Variants in CTDSPL2 observed in about 807,000 individuals in gnomAD.
The protein encoded by CTDSPL2 is CTD small phosphatase like 2, also known as CTD small phosphatase-like protein 2.
CTDSPL2 carries 5 observed loss-of-function variants against 60.0 expected under a neutral mutation model. The observed-to-expected ratio is 0.08, with a 90% CI of 0.04 to 0.18. The LOEUF is 0.18. Ranked by LOEUF, CTDSPL2 falls within the 10% of genes least tolerant of loss-of-function variation. The pLI is 1.00. For missense variants in CTDSPL2, 370 were observed against 548.8 expected, an observed-to-expected ratio of 0.67 and a Z score of 3.26; for synonymous variants, 186 against 189.3, an observed-to-expected ratio of 0.98 and a Z score of 0.14.
chr15:44,504,704 C>A, intron 8 of CTDSPL2, among the ~76,000 whole-genome samples: 1 of 148,956 alleles, frequency 6.7e-6, no homozygotes, highest in African/African-American at 2.5e-5. Flanking sequence ...GATCCTGTCC[C>A]TTCCAAAAAA....
chr15:44,504,818 A>G (rs2081433557), intron 8 of CTDSPL2, among the ~76,000 whole-genome samples: 1 of 152,158 alleles, frequency 6.6e-6, no homozygotes, highest in Non-Finnish European at 1.5e-5. Context: ...TCAGACAACC[A>G]TTTCAGGGTC....
intron 4 of CTDSPL2, among the ~76,000 whole-genome samples, chr15:44,487,091 G>T (rs2081134964): frequency 1.3e-5 from 2 of 152,078 alleles, no homozygotes; most frequent in African/African-American, 4.8e-5. Flanking sequence ...TTTTTAAAAA[G>T]ATCTTTTTTA....
At chr15:44,432,549 T>C (rs191876928) in intron 1 of CTDSPL2, among the ~76,000 whole-genome samples, 3 of 151,984 alleles carry the variant, frequency 2.0e-5, no homozygotes, top group African/African-American at 7.3e-5. Flanking sequence ...CTCGAACTCC[T>C]GACCTTGTGA....
Position 44,448,174 on chromosome 15 carries a change from T to G in CTDSPL2, c.-24-10817T>G, listed in dbSNP as rs2080257860. On this transcript the variant is annotated intron_variant, in intron 1 of 12. Coordinates refer to ENST00000260327, the MANE Select transcript of CTDSPL2 (RefSeq NM_016396.3). Reference sequence around the variant, plus strand: ...CATGTGCTCAATGGTTTGGTCCACATGGTCAATGGGAGCAGCTGTGCACTT... The same window carrying G: ...CATGTGCTCAATGGTTTGGTCCACAGGGTCAATGGGAGCAGCTGTGCACTT... 3 of 262,446 alleles carry G rather than the reference T, an allele frequency of 1.1e-5. No homozygotes were observed. In the Admixed American group the frequency reaches 1.3e-4, roughly 11 times the overall value. The allele number at this position is 262,446 out of a possible 1,614,324, so 16.3% of individuals were successfully genotyped here. A position where few individuals can be genotyped will look rare whatever the true frequency, so the allele number is the denominator to read the frequency against.
At chr15:44,491,145 T>G in intron 5 of CTDSPL2, 146 bp downstream of exon 5, 2 of 665,682 alleles carry the variant, frequency 3.0e-6, no homozygotes, top group East Asian at 2.8e-5. Context: ...AAACAAAGCT[T>G]TGTCCCAAAA....
chr15:44,460,937 G>C (rs1196741304), intron 2 of CTDSPL2, among the ~76,000 whole-genome samples: 1 of 151,978 alleles, frequency 6.6e-6, no homozygotes, highest in Non-Finnish European at 1.5e-5. Flanking sequence ...TCATTCTTCT[G>C]AGCAGCTTTA....
intron 2 of CTDSPL2, 85 bp downstream of exon 2, chr15:44,459,285 T>C: frequency 1.1e-6 from 1 of 917,378 alleles, no homozygotes; most frequent in Non-Finnish European, 1.6e-6. Flanking sequence ...CCCAGCACTT[T>C]GAGAGCCCCA....
chr15:44,507,133 A>G (rs1237954798), intron 8 of CTDSPL2, among the ~76,000 whole-genome samples: 1 of 150,066 alleles, frequency 6.7e-6, no homozygotes, highest in Admixed American at 6.7e-5. Context: ...CGCCCAGGCT[A>G]GAGTATGGTG....
At position 44,427,671 on chromosome 15, in the gene CTDSPL2, C is replaced by G; in HGVS notation, c.-126C>G. 1 of 399,402 alleles carries G rather than the reference C, an allele frequency of 2.5e-6. No homozygotes were observed. The highest frequency in any genetic ancestry group is 4.4e-6 in the Non-Finnish European group (1 of 226,384). 24.7% of individuals were successfully genotyped at this position (399,402 alleles called of 1,614,324 possible). The stretch of plus-strand genomic sequence containing the variant: ...GGGAAATGGCGACTGGCTGAAGGAG[C>G]TGGTTCTGTTGCTGCTGCGGGGTAA... On this transcript the variant is annotated 5_prime_UTR_variant, in exon 1 of 13. Coordinates refer to ENST00000260327, the MANE Select transcript of CTDSPL2 (RefSeq NM_016396.3).
At chr15:44,444,837 T>TTTTTGTTTTTTTTG (rs2080173105) in intron 1 of CTDSPL2, among the ~76,000 whole-genome samples, 3 of 77,994 alleles carry the variant, frequency 3.8e-5, no homozygotes, top group African/African-American at 2.2e-4. Context: ...TGGAATGTAG[T>TTTTTGTTTTTTTTG]TTTTTTTTTT....
intron 2 of CTDSPL2, 65 bp from the exon 3 acceptor site, chr15:44,484,159 A>T: frequency 7.1e-7 from 1 of 1,402,466 alleles, no homozygotes; most frequent in Non-Finnish European, 9.7e-7. Flanking sequence ...TTTTCATTTT[A>T]ATATTGTAAC....
At chr15:44,474,986 A>G (rs1375164988) in intron 2 of CTDSPL2, among the ~76,000 whole-genome samples, 1 of 152,164 alleles carries the variant, frequency 6.6e-6, no homozygotes, top group African/African-American at 2.4e-5. Flanking sequence ...AAGACAATAA[A>G]TAAATAATAA....
At position 44,514,645 on chromosome 15, in the gene CTDSPL2, G is replaced by A; in HGVS notation, c.1017G>A (p.Met339Ile). The change falls in exon 9 of 13, where the codon ATG (methionine) becomes ATA (isoleucine). Residue 339 changes from methionine (M) to isoleucine (I), a missense_variant. Coordinates refer to ENST00000260327, the MANE Select transcript of CTDSPL2 (RefSeq NM_016396.3). ...TTTTCAGGGAATTCCTGGAACGAAT[G>A]TCTCAGATGTATGAGGTAAACATGC... ...RPFFREFLER[M>I]SQMYEIILFT... 6.2e-7 allele frequency: 1 copy of A among 1,607,612 alleles called. No individual in the cohort carries two copies. The highest frequency in any genetic ancestry group is 8.5e-7 in the Non-Finnish European group (1 of 1,174,386).
intron 10 of CTDSPL2, chr15:44,517,296 G>A (rs1471899818): frequency 5.3e-5 from 8 of 149,982 alleles, no homozygotes; most frequent in African/African-American, 1.9e-4. Flanking sequence ...GGATCACGAG[G>A]TCAGGAGTTC....
At chr15:44,428,426 C>G (rs2079791637) in intron 1 of CTDSPL2, among the ~76,000 whole-genome samples, 1 of 152,154 alleles carries the variant, frequency 6.6e-6, no homozygotes, top group South Asian at 2.1e-4. Context: ...TTTTAAATGT[C>G]TGTATGGGTG....
In CTDSPL2 at chr15:44,521,937, CAAAAAAAAAA is replaced by C. The variant is rs904398715; in HGVS notation, c.1335+548_1335+557del. Among the ~76,000 whole-genome samples the C allele has an allele frequency of 9.0e-4, 55 of 60,778 alleles. 1 individual carries two copies. Among genetic ancestry groups the C allele is most frequent in the Middle Eastern group, 0.017 (1 of 58 alleles). 39.9% of individuals were successfully genotyped at this position (60,778 alleles called of 152,430 possible). On this transcript the variant is annotated intron_variant, in intron 12 of 12. Coordinates refer to ENST00000260327, the MANE Select transcript of CTDSPL2 (RefSeq NM_016396.3). ...TGGGCGACAGAGCGAGACTCCGTCT[CAAAAAAAAAA>C]AAAAAAAAAAAAAAAACATGATGAT... is the stretch of plus-strand genomic sequence containing the variant.
chr15:44,453,202 C>T (rs1048045703), intron 1 of CTDSPL2, among the ~76,000 whole-genome samples: 2 of 152,096 alleles, frequency 1.3e-5, no homozygotes, highest in Non-Finnish European at 2.9e-5. Context: ...GTGAGAGGGG[C>T]CGTCCTTGTC....
At chr15:44,515,880 A>G (rs72717947) in intron 10 of CTDSPL2, among the ~76,000 whole-genome samples, 8,477 of 152,200 alleles carry the variant, frequency 0.056, 405 homozygotes, top group Non-Finnish European at 0.08. Context: ...TCTCAAAAAA[A>G]AAGACTTTAA....
chr15:44,509,552 C>T (rs2081530933), intron 8 of CTDSPL2, among the ~76,000 whole-genome samples: 1 of 152,110 alleles, frequency 6.6e-6, no homozygotes, highest in Non-Finnish European at 1.5e-5. Flanking sequence ...TATTAATAGC[C>T]TTTCAGTACT....
Sources: allele counts gnomAD v4.1 joint callset (sites outside exome capture counted in the v4.1 genomes callset), GRCh38; gene constraint gnomAD v4.1.1; transcripts MANE v1.5; gene names NCBI Gene and HGNC (gene_info 2026-07-23, HGNC 2026-07-21).